The following DGKB variants were observed in gnomAD, a reference collection of about 807,000 sequenced individuals.
DGKB encodes diacylglycerol kinase beta.
Under a neutral mutation model 114.3 loss-of-function variants are expected in DGKB, and 67 were observed. The observed-to-expected ratio is 0.59, with a 90% CI of 0.48 to 0.72. The LOEUF is 0.72. Ranked by LOEUF, DGKB falls within the 30% of genes least tolerant of loss-of-function variation. DGKB has a pLI of 0.00. For missense variants in DGKB, 907 were observed against 975.2 expected (o/e 0.93, Z 0.93); for synonymous variants, 398 against 323.1 (o/e 1.23, Z -2.49).
At chr7:14,488,832 C>CAA (rs1255877064) in intron 20 of DGKB, among the ~76,000 whole-genome samples, 5 of 76,396 alleles carry the variant, frequency 6.5e-5, no homozygotes, top group Non-Finnish European at 9.7e-5. Flanking sequence ...ACTCCGTCTC[C>CAA]AAAAAAAAAC....
At chr7:14,342,567 G>A (rs967492507) in intron 22 of DGKB, among the ~76,000 whole-genome samples, 5 of 151,886 alleles carry the variant, frequency 3.3e-5, no homozygotes, top group East Asian at 3.9e-4. Context: ...ACATGTATGT[G>A]TAAATACATA....
chr7:14,239,367 T>C (rs924180748), intron 23 of DGKB, among the ~76,000 whole-genome samples: 3 of 152,018 alleles, frequency 2.0e-5, no homozygotes, highest in Admixed American at 6.6e-5. Flanking sequence ...ATTTGAAAAT[T>C]TGAGAAAATG....
At chr7:14,879,838 A>C (rs908736456) in intron 1 of DGKB, among the ~76,000 whole-genome samples, 2 of 152,170 alleles carry the variant, frequency 1.3e-5, no homozygotes, top group African/African-American at 4.8e-5. Context: ...ATGACTAATA[A>C]ATGACAATTG....
rs1824401040 is a variant in DGKB, at chr7:14,698,088, T to TA, written c.591+6dup. ...TTAGCCAATAGTGAAATCATTCATATACCTACTGGATTAAGTTCAGTGACA... is the reference window on the plus strand; with the variant it reads ...TTAGCCAATAGTGAAATCATTCATATAACCTACTGGATTAAGTTCAGTGACA... On this transcript the variant is annotated splice_region_variant and intron_variant, in intron 8 of 25. Transcript: ENST00000402815. The TA allele has an allele frequency of 2.0e-6, 3 of 1,501,646 alleles. No individual in the cohort carries two copies. In the South Asian group the frequency reaches 3.7e-5, roughly 18 times the overall value. 93.0% of individuals were successfully genotyped at this position (1,501,646 alleles called of 1,614,324 possible). A position where few individuals can be genotyped will look rare whatever the true frequency, so the allele number is the denominator to read the frequency against.
At chr7:14,507,094 A>G (rs905026759) in intron 20 of DGKB, among the ~76,000 whole-genome samples, 1 of 152,188 alleles carries the variant, frequency 6.6e-6, no homozygotes, top group African/African-American at 2.4e-5. Context: ...TAGACAAGAT[A>G]TAACACAATA....
intron 1 of DGKB, among the ~76,000 whole-genome samples, chr7:14,959,049 T>G: frequency 6.6e-6 from 1 of 152,198 alleles, no homozygotes; most frequent in Non-Finnish European, 1.5e-5. Context: ...TTTTATATGA[T>G]ATTTTGTTTG....
chr7:14,498,527 G>A (rs1219890448), intron 20 of DGKB, among the ~76,000 whole-genome samples: 1 of 151,726 alleles, frequency 6.6e-6, no homozygotes, highest in East Asian at 1.9e-4. Flanking sequence ...TAGAACTAAA[G>A]TGTTCTGAAT....
At chr7:14,852,533 G>T (rs901324031) in intron 1 of DGKB, among the ~76,000 whole-genome samples, 8 of 112,644 alleles carry the variant, frequency 7.1e-5, no homozygotes, top group East Asian at 2.5e-4. Context: ...AAAAGAAAAA[G>T]GTTCTAAGCC....
chr7:14,377,726 C>A (rs185483221), intron 21 of DGKB, among the ~76,000 whole-genome samples: 52 of 152,276 alleles, frequency 3.4e-4, no homozygotes, highest in Non-Finnish European at 6.5e-4. Flanking sequence ...GACTGATCCC[C>A]ATTGCTCACC....
At chr7:14,908,807 A>AT (rs1367432808) in intron 1 of DGKB, among the ~76,000 whole-genome samples, 1 of 152,192 alleles carries the variant, frequency 6.6e-6, no homozygotes, top group Non-Finnish European at 1.5e-5. Context: ...ATCAAAATGC[A>AT]TATACATATA....
At chr7:14,611,588 G>A (rs375592235) in intron 16 of DGKB, among the ~76,000 whole-genome samples, 26 of 151,950 alleles carry the variant, frequency 1.7e-4, no homozygotes, top group East Asian at 7.7e-4. Context: ...ATTTGACTTC[G>A]CGTGGTCCCA....
intron 21 of DGKB, among the ~76,000 whole-genome samples, chr7:14,444,837 TGTA>T (rs1208675076): frequency 1.3e-5 from 2 of 151,862 alleles, no homozygotes; most frequent in Non-Finnish European, 3.0e-5. Flanking sequence ...TCATGAATAT[TGTA>T]TTATTAAGAG....
chr7:14,839,272 A>G (rs1318798595), intron 2 of DGKB, among the ~76,000 whole-genome samples: 1 of 152,172 alleles, frequency 6.6e-6, no homozygotes, highest in Non-Finnish European at 1.5e-5. Flanking sequence ...ACAGCAGCAA[A>G]GAGCAGAGCA....
chr7:14,595,310 T>C (rs906206005), intron 17 of DGKB, among the ~76,000 whole-genome samples: 2 of 152,204 alleles, frequency 1.3e-5, no homozygotes, highest in South Asian at 4.1e-4. Context: ...GTGAATGGTC[T>C]TTTTATTCAT....
chr7:14,313,560 C>T (rs1197590643), intron 23 of DGKB, among the ~76,000 whole-genome samples: 5 of 152,198 alleles, frequency 3.3e-5, no homozygotes, highest in African/African-American at 1.2e-4. Context: ...CACCCGAATA[C>T]TGCGCTTTTC....
chr7:14,652,743 T>C (rs1250708780), intron 13 of DGKB, among the ~76,000 whole-genome samples: 7 of 151,856 alleles, frequency 4.6e-5, no homozygotes, highest in South Asian at 2.1e-4. Flanking sequence ...ATTTTCGCAA[T>C]CTACTCATCT....
intron 20 of DGKB, among the ~76,000 whole-genome samples, chr7:14,494,191 T>A (rs918591875): frequency 1.2e-4 from 18 of 152,138 alleles, no homozygotes; most frequent in African/African-American, 4.3e-4. Context: ...AATCAAAATA[T>A]ATTGTCTTAT....
intron 2 of DGKB, among the ~76,000 whole-genome samples, chr7:14,787,414 A>G (rs1365651859): frequency 6.6e-6 from 1 of 152,166 alleles, no homozygotes; most frequent in Non-Finnish European, 1.5e-5. Context: ...CTAAAACACT[A>G]TGTATCTTTT....
intron 23 of DGKB, among the ~76,000 whole-genome samples, chr7:14,218,402 C>T (rs551927034): frequency 2.6e-5 from 4 of 152,152 alleles, no homozygotes; most frequent in African/African-American, 2.4e-5. Context: ...CAAAAGCATT[C>T]AATAGTTAAA....
Sources: gnomAD v4.1 joint callset for allele counts (sites outside exome capture counted in the v4.1 genomes callset) on GRCh38, gnomAD v4.1.1 for gene constraint, MANE v1.5 for transcripts, NCBI Gene and HGNC (gene_info 2026-07-23, HGNC 2026-07-21) for gene names.